Variants in ALDH1A1 observed in about 807,000 individuals in gnomAD.
ALDH1A1 encodes aldehyde dehydrogenase 1 family member A1.
In ALDH1A1, 19 loss-of-function variants were observed where a neutral mutation model predicts 62.1. The observed-to-expected ratio is 0.31, with a 90% CI of 0.21 to 0.45. ALDH1A1 has a LOEUF of 0.45. Among genes scored for constraint, ALDH1A1 ranks in the 20% least tolerant of loss-of-function variants. ALDH1A1 has a pLI of 1.00. For synonymous variants in ALDH1A1, 231 were observed against 215.9 expected, an observed-to-expected ratio of 1.07 and a Z score of -0.61; for missense variants, 521 against 607.1, an observed-to-expected ratio of 0.86 and a Z score of 1.49.
chr9:72,936,176 C>G (rs1830344527), intron 2 of ALDH1A1, among the ~76,000 whole-genome samples: 1 of 152,150 alleles, frequency 6.6e-6, no homozygotes, highest in Non-Finnish European at 1.5e-5. Flanking sequence ...AAGCACAGAG[C>G]AAATCAGTGG....
At chr9:72,907,263 C>G (rs951793259) in intron 11 of ALDH1A1, among the ~76,000 whole-genome samples, 7 of 152,122 alleles carry the variant, frequency 4.6e-5, no homozygotes, top group African/African-American at 1.7e-4. Context: ...ATTGCAAAAT[C>G]AAATACTACT....
rs1222628017 is a variant in ALDH1A1 at position 72,948,240 on chromosome 9, C to T, written c.66+4695G>A. On this transcript the variant is annotated intron_variant, in intron 1 of 12. Coordinates refer to ENST00000297785, the MANE Select transcript of ALDH1A1 (RefSeq NM_000689.5). ...GCTATTTTTTTCACCTGCTTCCAAG[C>T]CCAAAGCAAACAAAATATTGCTTCA... Among the ~76,000 whole-genome samples the T allele has an allele frequency of 4.6e-5, 7 of 151,958 alleles. No individual in the cohort carries two copies. The East Asian group carries it at 1.3e-3, about 29-fold the overall frequency.
rs997456207 is a variant in ALDH1A1 at position 72,905,943 on chromosome 9, G to A, written c.1433+15C>T. On this transcript the variant is annotated intron_variant, in intron 12 of 12. Transcript: ENST00000297785. ...ATAAAAATAAATATTTATCTTAATAGAACGTTAATCTTACAGTTCTCTTCC... is the reference window on the plus strand; with the variant it reads ...ATAAAAATAAATATTTATCTTAATAAAACGTTAATCTTACAGTTCTCTTCC... 1 of 1,571,698 alleles carries A rather than the reference G, an allele frequency of 6.4e-7. No individual in the cohort carries two copies. The highest frequency in any genetic ancestry group is 1.4e-5 in the African/African-American group (1 of 73,276).
intron 4 of ALDH1A1, among the ~76,000 whole-genome samples, chr9:72,927,480 T>C (rs1399548226): frequency 3.3e-5 from 5 of 152,110 alleles, no homozygotes; most frequent in Non-Finnish European, 5.9e-5. Flanking sequence ...AGAGGCAAAA[T>C]TGGCAAAAAT....
intron 1 of ALDH1A1, among the ~76,000 whole-genome samples, chr9:72,951,084 A>G (rs983985603): frequency 5.9e-5 from 9 of 152,074 alleles, no homozygotes; most frequent in Admixed American, 5.9e-4. Context: ...CGAGAAATCA[A>G]AATTCACTGA....
In ALDH1A1 at chr9:72,928,992, G is replaced by A. The variant is rs771425197; in HGVS notation, c.342C>T (p.Leu114=). 1.1e-5 allele frequency: 17 copies of A among 1,613,588 alleles called. No individual in the cohort carries two copies. In the East Asian group the frequency reaches 3.6e-4, roughly 34 times the overall value. ...AATCATTCAGATATGCATTGGAATAGAGTTTTCCACCATTCATTGACTCCA... is the reference window on the plus strand; with the variant it reads ...AATCATTCAGATATGCATTGGAATAAAGTTTTCCACCATTCATTGACTCCA... ...ATMESMNGGK[L]YSNAYLNDLA... is the part of the protein sequence containing the mutation. The change falls in exon 4 of 13, where the codon CTC becomes CTT. Residue 114 remains leucine, a synonymous_variant. Transcript: ENST00000297785.
chr9:72,918,256 A>C (rs923635577), intron 8 of ALDH1A1, among the ~76,000 whole-genome samples: 1 of 152,232 alleles, frequency 6.6e-6, no homozygotes, highest in Non-Finnish European at 1.5e-5. Flanking sequence ...AAATATTTAA[A>C]TATTAGGTAT....
At chr9:72,925,373 G>T in intron 6 of ALDH1A1, 111 bp downstream of exon 6, 1 of 1,303,540 alleles carries the variant, frequency 7.7e-7, no homozygotes. Flanking sequence ...CCCCCCACTG[G>T]ACAGGAGCCA....
intron 11 of ALDH1A1, among the ~76,000 whole-genome samples, chr9:72,909,369 G>T (rs1166628057): frequency 1.3e-5 from 2 of 151,940 alleles, no homozygotes; most frequent in African/African-American, 4.8e-5. Flanking sequence ...GGCCAGGCTG[G>T]TCTCAAACTC....
intron 12 of ALDH1A1, among the ~76,000 whole-genome samples, chr9:72,905,422 T>A (rs1204329205): frequency 6.6e-6 from 1 of 152,076 alleles, no homozygotes; most frequent in African/African-American, 2.4e-5. Context: ...CCTTTTAGGT[T>A]TAAGTTTTAA....
Position 72,931,019 on chromosome 9 carries a change from C to T in ALDH1A1, c.172G>A (p.Glu58Lys), listed in dbSNP as rs368814769. Residue 58 changes from glutamate (E) to lysine (K), a missense_variant and splice_region_variant, in exon 3 of 13, where the codon GAG becomes AAG. Physicochemically the swap from Glu to Lys is moderately conservative, Grantham distance 56. Coordinates refer to ENST00000297785, the MANE Select transcript of ALDH1A1 (RefSeq NM_000689.5). ...GCCTTCACTGCCTTGTCAACATCCTCCTGTAAGTCAACAGGAATTCAATTC... is the reference window on the plus strand; with the variant it reads ...GCCTTCACTGCCTTGTCAACATCCTTCTGTAAGTCAACAGGAATTCAATTC... ...ELCQVEEGDK[E>K]DVDKAVKAAR... 9.3e-6 allele frequency: 15 copies of T among 1,613,816 alleles called. No individual in the cohort carries two copies. In the African/African-American group the frequency reaches 2.0e-4, roughly 22 times the overall value.
chr9:72,907,738 G>A lies in ALDH1A1; in HGVS notation c.1359-1706C>T, dbSNP rs568364470. Among the ~76,000 whole-genome samples the A allele has an allele frequency of 2.0e-5, 3 of 152,306 alleles. No individual in the cohort carries two copies. The South Asian group carries it at 6.2e-4, about 32-fold the overall frequency. On this transcript the variant is annotated intron_variant, in intron 11 of 12. Transcript: ENST00000297785. ...TTAATAGGATTGTTTCAAGGTATGC[G>A]TAAGATTGCGTGAATAGTATTCTTG...
At chr9:72,921,503 C>CTT (rs11327072) in intron 7 of ALDH1A1, among the ~76,000 whole-genome samples, 8 of 109,508 alleles carry the variant, frequency 7.3e-5, no homozygotes, top group African/African-American at 1.7e-4. Flanking sequence ...ACATTTAATT[C>CTT]TTTTTTTTTT....
At chr9:72,931,580 C>A (rs745931274) in intron 2 of ALDH1A1, among the ~76,000 whole-genome samples, 1 of 152,174 alleles carries the variant, frequency 6.6e-6, no homozygotes, top group African/African-American at 2.4e-5. Flanking sequence ...TGAATATCTT[C>A]CTTGGTCTCT....
chr9:72,909,607 T>A lies in ALDH1A1; in HGVS notation c.1353A>T (p.Thr451=), dbSNP rs1313799313. ...ITISSALQAG[T]VWVNCYGVVS... is the part of the protein sequence containing the mutation. ...ATTCCTTAGGTTGGACTTACCACAC[T>A]GTTCCTGCCTGCAGAGCAGAGGAGA... The change falls in exon 11 of 13, where the codon ACA becomes ACT. Residue 451 remains threonine (T), a synonymous_variant. Transcript: ENST00000297785. 1.2e-6 allele frequency: 2 copies of A among 1,611,080 alleles called. No homozygotes were observed. The highest frequency in any genetic ancestry group is 1.7e-6 in the Non-Finnish European group (2 of 1,178,936).
intron 1 of ALDH1A1, among the ~76,000 whole-genome samples, chr9:72,941,026 G>A (rs1426640079): frequency 6.6e-6 from 1 of 152,056 alleles, no homozygotes; most frequent in South Asian, 2.1e-4. Flanking sequence ...TTCTTGAGGA[G>A]CCAGCTTTCA....
At chr9:72,923,473 T>A (rs539611681) in intron 7 of ALDH1A1, among the ~76,000 whole-genome samples, 1 of 152,142 alleles carries the variant, frequency 6.6e-6, no homozygotes, top group African/African-American at 2.4e-5. Flanking sequence ...CTCTCCCTCC[T>A]GCCCGCCACT....
chr9:72,919,100 C>T (rs1830102007), intron 7 of ALDH1A1, among the ~76,000 whole-genome samples: 1 of 152,016 alleles, frequency 6.6e-6, no homozygotes, highest in African/African-American at 2.4e-5. Flanking sequence ...TGTAAAGCTC[C>T]CTCATCCAAG....
intron 2 of ALDH1A1, among the ~76,000 whole-genome samples, 171 bp downstream of exon 2, chr9:72,939,977 G>A (rs1026244142): frequency 3.3e-5 from 2 of 59,898 alleles, no homozygotes; most frequent in Admixed American, 3.1e-4. Context: ...TAACTACAGA[G>A]CATTTTTTTT....
Sources: allele counts gnomAD v4.1 joint callset (sites outside exome capture counted in the v4.1 genomes callset), GRCh38; gene constraint gnomAD v4.1.1; transcripts MANE v1.5; gene names NCBI Gene and HGNC (gene_info 2026-07-23, HGNC 2026-07-21).